MAGI1: variants seen among roughly 807,000 people sequenced by gnomAD.
MAGI1 encodes membrane-associated guanylate kinase, WW and PDZ domain-containing protein 1.
MAGI1 carries 58 observed loss-of-function variants against 139.9 expected under a neutral mutation model. The observed-to-expected ratio is 0.41, with a 90% CI of 0.34 to 0.52. The LOEUF is 0.52. Among genes scored for constraint, MAGI1 ranks in the 20% least tolerant of loss-of-function variants. The probability of loss-of-function intolerance (pLI) is 0.12; values close to 1 mark genes in which losing one functional copy is unlikely to be tolerated. For synonymous variants in MAGI1, 812 were observed against 737.9 expected (o/e 1.10, Z -1.63); for missense variants, 1,874 against 1,901.6 (o/e 0.99, Z 0.27).
intron 12 of MAGI1, among the ~76,000 whole-genome samples, chr3:65,408,300 G>A (rs754755908): frequency 3.6e-4 from 55 of 152,256 alleles, no homozygotes; most frequent in South Asian, 6.2e-4. Flanking sequence ...TGCTTACTTC[G>A]CCTTCTTTCT....
At chr3:65,642,178 G>C (rs751671298) in intron 1 of MAGI1, among the ~76,000 whole-genome samples, 2 of 152,148 alleles carry the variant, frequency 1.3e-5, no homozygotes, top group African/African-American at 2.4e-5. Flanking sequence ...ACTGCTGTGA[G>C]CTGGGTAATT....
intron 1 of MAGI1, among the ~76,000 whole-genome samples, chr3:65,968,979 C>T (rs1296326603): frequency 6.6e-6 from 1 of 152,154 alleles, no homozygotes; most frequent in African/African-American, 2.4e-5. Context: ...CCAAGTTTTA[C>T]ATGGGATACA....
At chr3:65,957,313 A>G (rs1407166232) in intron 1 of MAGI1, among the ~76,000 whole-genome samples, 1 of 149,184 alleles carries the variant, frequency 6.7e-6, no homozygotes, top group Non-Finnish European at 1.5e-5. Context: ...CAGGAGTTCA[A>G]GACCTGCCTG....
chr3:65,509,448 G>C (rs944956694), intron 2 of MAGI1, among the ~76,000 whole-genome samples: 1 of 152,162 alleles, frequency 6.6e-6, no homozygotes. Flanking sequence ...GTGGGTGCGC[G>C]TACCGTGCGC....
intron 1 of MAGI1, among the ~76,000 whole-genome samples, chr3:65,993,645 C>G (rs1301369085): frequency 6.6e-6 from 1 of 152,192 alleles, no homozygotes; most frequent in African/African-American, 2.4e-5. Flanking sequence ...AACTTGATCA[C>G]AAGCCTGTGA....
In MAGI1 at chr3:65,356,691, G is replaced by A; in HGVS notation, c.4076C>T (p.Pro1359Leu). 2 of 1,592,446 alleles carry A rather than the reference G, an allele frequency of 1.3e-6. No homozygotes were observed. Among genetic ancestry groups the A allele is most frequent in the South Asian group, 1.1e-5 (1 of 87,240 alleles). The change falls in exon 23 of 23, where the codon CCC (proline) becomes CTC (leucine). Residue 1359 changes from proline to leucine, a missense_variant. Physicochemically the swap from Pro to Leu is moderately conservative, Grantham distance 98. Coordinates refer to ENST00000402939, the MANE Select transcript of MAGI1 (RefSeq NM_001033057.2). Reference sequence around the variant, plus strand: ...GGGGGAGCCGTCTCTCCTGCGGGTGGGTGACCGCTCTCGCCTCCGCTCCGG... The same window carrying A: ...GGGGGAGCCGTCTCTCCTGCGGGTGAGTGACCGCTCTCGCCTCCGCTCCGG... ...VSPERRRERS[P>L]TRRRDGSPSR...
chr3:65,581,647 C>T (rs1166003275), intron 2 of MAGI1, among the ~76,000 whole-genome samples: 2 of 152,080 alleles, frequency 1.3e-5, no homozygotes, highest in Non-Finnish European at 2.9e-5. Flanking sequence ...TAATACTCTC[C>T]ACTCTATCTC....
chr3:65,556,498 G>T (rs183028650), intron 2 of MAGI1, among the ~76,000 whole-genome samples: 14 of 152,236 alleles, frequency 9.2e-5, no homozygotes, highest in Admixed American at 2.6e-4. Context: ...CATTATCAGT[G>T]AATGTCATTT....
At chr3:65,948,718 T>C (rs1181979172) in intron 1 of MAGI1, among the ~76,000 whole-genome samples, 1 of 152,174 alleles carries the variant, frequency 6.6e-6, no homozygotes, top group Non-Finnish European at 1.5e-5. Context: ...CTCAAATGAG[T>C]ACATCTATCT....
rs915203686 is a variant in MAGI1, at chr3:65,392,705, A to G, written c.2200-1347T>C. On this transcript the variant is annotated intron_variant, in intron 13 of 22. Coordinates refer to ENST00000402939, the MANE Select transcript of MAGI1 (RefSeq NM_001033057.2). ...CTTCATTTAATTCTCAGGTCCCTAT[A>G]CTTCCTCTCCTTCCAGTAATTGCTT... Among the ~76,000 whole-genome samples the G allele has an allele frequency of 7.2e-5, 11 of 152,292 alleles. No individual in the cohort carries two copies. In the South Asian group the frequency reaches 2.3e-3, roughly 32 times the overall value.
chr3:65,717,676 C>T (rs1405780442), intron 1 of MAGI1, among the ~76,000 whole-genome samples: 1 of 152,114 alleles, frequency 6.6e-6, no homozygotes, highest in Non-Finnish European at 1.5e-5. Flanking sequence ...CTAGACATTC[C>T]CCTATAGCTT....
chr3:65,991,777 G>C (rs2066189608), intron 1 of MAGI1, among the ~76,000 whole-genome samples: 1 of 152,158 alleles, frequency 6.6e-6, no homozygotes, highest in Non-Finnish European at 1.5e-5. Flanking sequence ...CACTTTGAGA[G>C]GCCGAGGTGG....
chr3:65,614,798 T>TA lies in MAGI1; in HGVS notation c.430+7173dup, dbSNP rs573312926. Among the ~76,000 whole-genome samples, 239 of 151,634 alleles carry TA rather than the reference T, an allele frequency of 1.6e-3. No homozygotes were observed. In the Middle Eastern group the frequency reaches 0.02, roughly 13 times the overall value. On this transcript the variant is annotated intron_variant, in intron 2 of 22. Transcript: ENST00000402939. Reference sequence around the variant, plus strand: ...AATTTCAGAGCCGATCTAAAAGCTTTAAAAAAAATGGCTCTAGATAAGCTG... The same window carrying TA: ...AATTTCAGAGCCGATCTAAAAGCTTTAAAAAAAAATGGCTCTAGATAAGCTG...
chr3:65,963,537 AC>A (rs1456945309), intron 1 of MAGI1, among the ~76,000 whole-genome samples: 1 of 152,126 alleles, frequency 6.6e-6, no homozygotes. Context: ...AATCACTTGA[AC>A]CCAGAAGGCG....
At chr3:65,895,084 T>A (rs192678270) in intron 1 of MAGI1, among the ~76,000 whole-genome samples, 1 of 152,352 alleles carries the variant, frequency 6.6e-6, no homozygotes, top group African/African-American at 2.4e-5. Flanking sequence ...ATATCTGTGA[T>A]GTTCATGGAG....
At chr3:66,011,836 C>CAA (rs74963127) in intron 1 of MAGI1, among the ~76,000 whole-genome samples, 137 of 99,006 alleles carry the variant, frequency 1.4e-3, no homozygotes, top group African/African-American at 2.8e-3. Context: ...TATGCTGAAC[C>CAA]AAAAAAAAAA....
intron 2 of MAGI1, among the ~76,000 whole-genome samples, chr3:65,531,286 C>T (rs540970962): frequency 6.6e-6 from 1 of 152,188 alleles, no homozygotes; most frequent in South Asian, 2.1e-4. Context: ...GAGCAACAGA[C>T]TTGCCTATCA....
At chr3:65,902,831 A>G (rs1358833211) in intron 1 of MAGI1, 2 of 153,208 alleles carry the variant, frequency 1.3e-5, no homozygotes, top group Admixed American at 1.3e-4. Context: ...CCAGGAAAGC[A>G]GAGAGAAAAT....
intron 1 of MAGI1, among the ~76,000 whole-genome samples, chr3:65,867,246 C>T (rs1358960540): frequency 6.6e-6 from 1 of 152,168 alleles, no homozygotes; most frequent in Admixed American, 6.5e-5. Flanking sequence ...GTTTGCAACC[C>T]CTGGGCTGCT....
Sources: allele counts gnomAD v4.1 joint callset (sites outside exome capture counted in the v4.1 genomes callset), GRCh38; gene constraint gnomAD v4.1.1; transcripts MANE v1.5; gene names NCBI Gene and HGNC (gene_info 2026-07-23, HGNC 2026-07-21).